The following GLRB variants were observed in gnomAD, a reference collection of about 807,000 sequenced individuals.
GLRB encodes the protein glycine receptor subunit beta.
In GLRB, 33 loss-of-function variants were observed where a neutral mutation model predicts 54.2. That is an observed-to-expected ratio of 0.61 (90% CI 0.46 to 0.81). GLRB has a LOEUF of 0.81. Among genes scored for constraint, GLRB ranks in the 40% least tolerant of loss-of-function variants. The pLI, the probability that GLRB is intolerant of heterozygous loss-of-function variation, is 0.00. For missense variants in GLRB, 572 were observed against 584.6 expected (o/e 0.98, Z 0.22); for synonymous variants, 209 against 208.2 (o/e 1.00, Z -0.03).
chr4:157,143,780 T>C (rs780022822), intron 7 of GLRB, 27 bp from the exon 8 acceptor site: 1 of 1,606,058 alleles, frequency 6.2e-7, no homozygotes, highest in African/African-American at 1.3e-5. Context: ...GAAAACCTCA[T>C]GCCTTGAATG....
At chr4:157,132,857 C>T (rs1461162623) in intron 4 of GLRB, among the ~76,000 whole-genome samples, 1 of 151,868 alleles carries the variant, frequency 6.6e-6, no homozygotes, top group Non-Finnish European at 1.5e-5. Flanking sequence ...AACAAGTAGT[C>T]CACACAACAA....
rs1293250289 is a variant in GLRB, at chr4:157,120,575, C to T, written c.142C>T (p.Leu48Phe). Reference protein sequence around the residue: ...LCPSQQSAEDLARVPANSTSN... With the variant: ...LCPSQQSAEDFARVPANSTSN... ...TTATAGTCAGCAGTCAGCAGAGGAC[C>T]TTGCCCGAGTACCTGCCAACTCCAC... is the stretch of plus-strand genomic sequence containing the variant. Residue 48 changes from leucine to phenylalanine, a missense_variant, in exon 3 of 10, where the codon CTT (leucine) becomes TTT (phenylalanine). Coordinates refer to ENST00000264428, the MANE Select transcript of GLRB (RefSeq NM_000824.5). The T allele has an allele frequency of 3.8e-6, 6 of 1,594,966 alleles. No homozygotes were observed. In the South Asian group the frequency reaches 6.6e-5, roughly 18 times the overall value.
chr4:157,076,189 G>A lies in GLRB; in HGVS notation c.-138G>A, dbSNP rs1039092559. ...AGCTCGGCGGTGGCGCGGGCGGCTGGGACGCAGCTGCCCCCGCTCGGCGCC... is the reference window on the plus strand; with the variant it reads ...AGCTCGGCGGTGGCGCGGGCGGCTGAGACGCAGCTGCCCCCGCTCGGCGCC... On this transcript the variant is annotated 5_prime_UTR_variant, in exon 1 of 10. Coordinates refer to ENST00000264428, the MANE Select transcript of GLRB (RefSeq NM_000824.5). The A allele has an allele frequency of 3.3e-5, 5 of 150,062 alleles. No individual in the cohort carries two copies. The highest frequency in any genetic ancestry group is 1.2e-4 in the African/African-American group (5 of 41,156). 9.3% of individuals were successfully genotyped at this position (150,062 alleles called of 1,614,324 possible).
chr4:157,077,823 T>C (rs936098714), intron 1 of GLRB, among the ~76,000 whole-genome samples, 173 bp from the exon 2 acceptor site: 4 of 151,580 alleles, frequency 2.6e-5, no homozygotes, highest in African/African-American at 9.7e-5. Context: ...ACAACTACTA[T>C]ATAAAAAATA....
chr4:157,083,829 A>G (rs577752799), intron 2 of GLRB, among the ~76,000 whole-genome samples: 5 of 152,222 alleles, frequency 3.3e-5, no homozygotes, highest in Non-Finnish European at 7.4e-5. Flanking sequence ...ATGTTTTTTA[A>G]AACACTTCTT....
Position 157,078,120 on chromosome 4 carries a change from G to A in GLRB, c.96G>A (p.Gly32=). 6.2e-7 allele frequency: 1 copy of A among 1,612,210 alleles called. No homozygotes were observed. Among genetic ancestry groups the A allele is most frequent in the South Asian group, 1.1e-5 (1 of 91,044 alleles). Residue 32 remains glycine (G), a synonymous_variant, in exon 2 of 10, where the codon GGG becomes GGA. Transcript: ENST00000264428. ...AAAAGTCTTCAAAGAAAGGGAAGGG[G>A]AAAAAGAAGCAGTATCTATGCCCAT... The part of the protein sequence containing the change: ...SKEKSSKKGK[G]KKKQYLCPSQ...
intron 2 of GLRB, among the ~76,000 whole-genome samples, chr4:157,101,683 G>A (rs907898326): frequency 6.6e-6 from 1 of 151,322 alleles, no homozygotes; most frequent in Admixed American, 6.6e-5. Flanking sequence ...GTATACTTAG[G>A]TTTTCTATTA....
Position 157,136,469 on chromosome 4 carries a change from G to A in GLRB, c.298G>A (p.Asp100Asn), listed in dbSNP as rs1009262193. The A allele has an allele frequency of 1.9e-6, 3 of 1,556,354 alleles. No individual in the cohort carries two copies. The highest frequency in any genetic ancestry group is 2.2e-5 in the East Asian group (1 of 44,540). Residue 100 changes from aspartate to asparagine, a missense_variant and splice_region_variant, in exon 5 of 10, where the codon GAC (aspartate) becomes AAC (asparagine). Coordinates refer to ENST00000264428, the MANE Select transcript of GLRB (RefSeq NM_000824.5). ...SFGSIQETTM[D>N]YRVNIFLRQK... Reference sequence around the variant, plus strand: ...GTGCACGCATGTACTTTTTCTTCAGGACTATAGAGTTAACATCTTCCTGAG... The same window carrying A: ...GTGCACGCATGTACTTTTTCTTCAGAACTATAGAGTTAACATCTTCCTGAG...
At chr4:157,148,514 C>T (rs1220089218) in intron 8 of GLRB, among the ~76,000 whole-genome samples, 1 of 152,048 alleles carries the variant, frequency 6.6e-6, no homozygotes, top group South Asian at 2.1e-4. Context: ...TTGTAAATTT[C>T]TCTGTAAGCA....
chr4:157,095,656 A>G (rs1477393512), intron 2 of GLRB, among the ~76,000 whole-genome samples: 1 of 152,188 alleles, frequency 6.6e-6, no homozygotes, highest in Non-Finnish European at 1.5e-5. Flanking sequence ...GTGAAACCCT[A>G]TCTCTACAAA....
At chr4:157,127,593 G>A (rs1456160793) in intron 4 of GLRB, among the ~76,000 whole-genome samples, 2 of 151,758 alleles carry the variant, frequency 1.3e-5, no homozygotes, top group African/African-American at 4.8e-5. Context: ...TTTGGAGATC[G>A]GGGGAGAGTA....
At chr4:157,162,795 G>A (rs1266979245) in intron 9 of GLRB, among the ~76,000 whole-genome samples, 1 of 152,216 alleles carries the variant, frequency 6.6e-6, no homozygotes, top group African/African-American at 2.4e-5. Flanking sequence ...GGACCCACTT[G>A]AGAAGGCAGT....
chr4:157,146,175 C>T (rs1736800374), intron 8 of GLRB, among the ~76,000 whole-genome samples: 1 of 151,980 alleles, frequency 6.6e-6, no homozygotes, highest in Admixed American at 6.6e-5. Context: ...CACCACCATG[C>T]CCAGCTAATT....
At chr4:157,128,749 T>C (rs1380312825) in intron 4 of GLRB, among the ~76,000 whole-genome samples, 3 of 151,752 alleles carry the variant, frequency 2.0e-5, no homozygotes, top group Admixed American at 1.3e-4. Flanking sequence ...TTGAGAAAAA[T>C]CACTACTATA....
chr4:157,169,599 C>T (rs964042744), intron 9 of GLRB, among the ~76,000 whole-genome samples: 1 of 151,936 alleles, frequency 6.6e-6, no homozygotes. Flanking sequence ...TATTTTTGAT[C>T]TGCATTTGGA....
At chr4:157,135,538 G>A (rs941747446) in intron 4 of GLRB, among the ~76,000 whole-genome samples, 3 of 152,042 alleles carry the variant, frequency 2.0e-5, no homozygotes, top group African/African-American at 7.2e-5. Context: ...TCCCCTGTAC[G>A]TGCTGTCTTG....
chr4:157,154,868 G>T (rs980131609), intron 9 of GLRB, among the ~76,000 whole-genome samples: 9 of 152,000 alleles, frequency 5.9e-5, no homozygotes, highest in Non-Finnish European at 1.2e-4. Flanking sequence ...ATAACATCAC[G>T]ATCTACTAGT....
At chr4:157,165,703 A>T (rs1436644035) in intron 9 of GLRB, among the ~76,000 whole-genome samples, 1 of 151,884 alleles carries the variant, frequency 6.6e-6, no homozygotes, top group Non-Finnish European at 1.5e-5. Context: ...TTGTTCATTC[A>T]TGTATTCCTA....
At chr4:157,147,042 G>A (rs1579239043) in intron 8 of GLRB, among the ~76,000 whole-genome samples, 1 of 152,208 alleles carries the variant, frequency 6.6e-6, no homozygotes, top group East Asian at 1.9e-4. Context: ...CAGGCCAGGA[G>A]CTTTGCTTTA....
Sources: gnomAD v4.1 joint callset for allele counts (sites outside exome capture counted in the v4.1 genomes callset) on GRCh38, gnomAD v4.1.1 for gene constraint, MANE v1.5 for transcripts, NCBI Gene and HGNC (gene_info 2026-07-23, HGNC 2026-07-21) for gene names.